The following NAV3 variants were observed in gnomAD, a reference collection of about 807,000 sequenced individuals.
NAV3 encodes the protein neuron navigator 3.
In NAV3, 87 loss-of-function variants were observed where a neutral mutation model predicts 244.7. The ratio of observed to expected loss-of-function variants is 0.36; its 90% confidence interval spans 0.30 to 0.42. NAV3 has a LOEUF of 0.42. NAV3 is among the 20% of genes least tolerant of loss of function. The probability of loss-of-function intolerance (pLI) is 1.00; values close to 1 mark genes in which losing one functional copy is unlikely to be tolerated. For synonymous variants in NAV3, 1,126 were observed against 1,042.2 expected, an observed-to-expected ratio of 1.08 and a Z score of -1.55; for missense variants, 2,663 against 2,893.3, an observed-to-expected ratio of 0.92 and a Z score of 1.83.
intron 2 of NAV3, among the ~76,000 whole-genome samples, chr12:77,701,543 T>C (rs1251052758): frequency 1.3e-5 from 2 of 151,984 alleles, no homozygotes; most frequent in African/African-American, 4.8e-5. Flanking sequence ...TTTAAGCTGC[T>C]CATTCTTTTA....
intron 2 of NAV3, among the ~76,000 whole-genome samples, chr12:77,712,582 T>A (rs1312586837): frequency 1.3e-5 from 2 of 152,172 alleles, no homozygotes; most frequent in Non-Finnish European, 2.9e-5. Flanking sequence ...CCAGAACATG[T>A]TTATAGTGAC....
intron 1 of NAV3, among the ~76,000 whole-genome samples, chr12:77,919,579 A>G (rs917802449): frequency 3.0e-4 from 45 of 152,078 alleles, no homozygotes; most frequent in African/African-American, 8.7e-4. Context: ...ATAAGTAAGA[A>G]AAGTATTCCA....
chr12:77,790,174 C>A (rs1310239241), intron 2 of NAV3, among the ~76,000 whole-genome samples: 1 of 152,168 alleles, frequency 6.6e-6, no homozygotes, highest in Admixed American at 6.5e-5. Context: ...ATACAAATAA[C>A]AATTTTAAAA....
At chr12:77,740,034 A>G (rs1248863956) in intron 2 of NAV3, among the ~76,000 whole-genome samples, 2 of 152,244 alleles carry the variant, frequency 1.3e-5, no homozygotes, top group African/African-American at 2.4e-5. Flanking sequence ...GTGCTTTAAA[A>G]GAAAATGTAC....
In NAV3 at chr12:77,873,742, G is replaced by GTGTGTA. The variant is rs1565878665; in HGVS notation, c.243+42041_243+42042insGTATGT. Among the ~76,000 whole-genome samples, 181 of 57,946 alleles carry GTGTGTA rather than the reference G, an allele frequency of 3.1e-3. 2 individuals carry two copies. Among genetic ancestry groups the GTGTGTA allele is most frequent in the African/African-American group, 7.7e-3 (171 of 22,310 alleles). 38.0% of individuals were successfully genotyped at this position (57,946 alleles called of 152,430 possible). On this transcript the variant is annotated intron_variant, in intron 1 of 39. Transcript: ENST00000397909. ...TGCTTATCTAAATACATATGTGTGT[G>GTGTGTA]TGTATATATATATATATATATATAT... is the stretch of plus-strand genomic sequence containing the variant.
chr12:77,911,254 G>A (rs946929952), intron 1 of NAV3, among the ~76,000 whole-genome samples: 1 of 152,110 alleles, frequency 6.6e-6, no homozygotes, highest in African/African-American at 2.4e-5. Context: ...GCCAGAAACA[G>A]ATGATCTGTC....
At chr12:77,984,634 G>A (rs1870156772) in intron 5 of NAV3, among the ~76,000 whole-genome samples, 2 of 152,232 alleles carry the variant, frequency 1.3e-5, no homozygotes, top group South Asian at 4.1e-4. Flanking sequence ...TGAGATGTGG[G>A]TAGGGCAGCT....
intron 2 of NAV3, among the ~76,000 whole-genome samples, chr12:77,753,117 G>T (rs1391503251): frequency 6.6e-6 from 1 of 152,136 alleles, no homozygotes; most frequent in African/African-American, 2.4e-5. Flanking sequence ...AAGCTTTTCA[G>T]ACCATCTTCT....
intron 2 of NAV3, among the ~76,000 whole-genome samples, chr12:77,584,186 A>G (rs1295728326): frequency 6.6e-6 from 1 of 152,224 alleles, no homozygotes; most frequent in African/African-American, 2.4e-5. Context: ...CTACCAGGTC[A>G]GGGACATTGC....
chr12:77,746,100 G>A (rs934376731), intron 2 of NAV3, among the ~76,000 whole-genome samples: 3 of 150,998 alleles, frequency 2.0e-5, no homozygotes, highest in Admixed American at 6.6e-5. Flanking sequence ...AATAGCAGTC[G>A]AAAGAAAAAA....
intron 2 of NAV3, among the ~76,000 whole-genome samples, chr12:77,711,829 A>G (rs1465917778): frequency 2.0e-5 from 3 of 152,126 alleles, no homozygotes; most frequent in Non-Finnish European, 4.4e-5. Context: ...ATCATGACCC[A>G]TAGAGTTGAG....
chr12:78,089,817 A>G (rs1953828491), intron 12 of NAV3, among the ~76,000 whole-genome samples: 1 of 152,126 alleles, frequency 6.6e-6, no homozygotes, highest in Non-Finnish European at 1.5e-5. Context: ...ATCCCAAAGG[A>G]TCCAATGTAT....
chr12:78,150,948 TG>T (rs1957059551), intron 22 of NAV3, among the ~76,000 whole-genome samples: 1 of 151,930 alleles, frequency 6.6e-6, no homozygotes, highest in African/African-American at 2.4e-5. Context: ...AGCACAGATA[TG>T]CAGATAATAC....
At chr12:77,902,347 T>C (rs2448230) in intron 1 of NAV3, among the ~76,000 whole-genome samples, 150,722 of 152,314 alleles carry the variant, frequency 0.99, 74,595 homozygotes, top group Middle Eastern at 1. Context: ...AAACAGACCA[T>C]GATTTTGAAA....
chr12:77,969,143 TGTGTGTGTG>T (rs1892776695), intron 5 of NAV3, among the ~76,000 whole-genome samples: 2 of 20,754 alleles, frequency 9.6e-5, no homozygotes, highest in Non-Finnish European at 4.2e-4. Context: ...GTGTTTTTGA[TGTGTGTGTG>T]TGTGTGTGTG....
At chr12:77,779,465 A>G (rs187765258) in intron 2 of NAV3, among the ~76,000 whole-genome samples, 153 of 152,360 alleles carry the variant, frequency 1.0e-3, no homozygotes, top group Non-Finnish European at 1.9e-3. Flanking sequence ...ACCATGTTGT[A>G]CAACTCCATG....
intron 2 of NAV3, among the ~76,000 whole-genome samples, chr12:77,608,470 T>G (rs1870767450): frequency 1.3e-5 from 2 of 152,064 alleles, no homozygotes; most frequent in South Asian, 4.1e-4. Context: ...GACTGTTATA[T>G]CCTATGTGCA....
chr12:78,015,870 TA>T (rs1235972875), intron 8 of NAV3, among the ~76,000 whole-genome samples: 1 of 152,130 alleles, frequency 6.6e-6, no homozygotes, highest in Non-Finnish European at 1.5e-5. Context: ...CATTCTACTT[TA>T]AGAAAGAGAT....
chr12:77,983,458 G>T (rs1174434830), intron 5 of NAV3, among the ~76,000 whole-genome samples: 4 of 152,100 alleles, frequency 2.6e-5, no homozygotes, highest in Admixed American at 6.6e-5. Flanking sequence ...GGAAACAGAT[G>T]GGAGGAAGGA....
Sources: gnomAD v4.1 joint callset for allele counts (sites outside exome capture counted in the v4.1 genomes callset) on GRCh38, gnomAD v4.1.1 for gene constraint, MANE v1.5 for transcripts, NCBI Gene and HGNC (gene_info 2026-07-23, HGNC 2026-07-21) for gene names.